Variants in ZCCHC14 observed in about 807,000 individuals in gnomAD.
The protein encoded by ZCCHC14 is zinc finger CCHC-type containing 14.
In ZCCHC14, 16 loss-of-function variants were observed where a neutral mutation model predicts 85.0. The ratio of observed to expected loss-of-function variants is 0.19; its 90% CI spans 0.13 to 0.29. The LOEUF (loss-of-function observed/expected upper bound fraction) is 0.29, where lower values mean the gene tolerates loss of function less well. ZCCHC14 is among the 10% of genes least tolerant of loss of function. The pLI is 1.00. For missense variants in ZCCHC14, 1,303 were observed against 1,443.5 expected (o/e 0.90, Z 1.58); for synonymous variants, 775 against 630.7 (o/e 1.23, Z -3.43).
chr16:87,486,508 G>A (rs1280685047), intron 1 of ZCCHC14, among the ~76,000 whole-genome samples: 1 of 152,108 alleles, frequency 6.6e-6, no homozygotes, highest in Admixed American at 6.5e-5. Flanking sequence ...TGCACTCTGC[G>A]GTGCTCACAC....
chr16:87,488,589 T>A (rs548719410), intron 1 of ZCCHC14, among the ~76,000 whole-genome samples: 100 of 152,212 alleles, frequency 6.6e-4, no homozygotes, highest in African/African-American at 2.2e-3. Context: ...TTAAAAAAAA[T>A]TTTTTGAGAC....
At position 87,410,348 on chromosome 16, in the gene ZCCHC14, G is replaced by GA. The variant is rs758148355; in HGVS notation, c.3206-14dup. The stretch of plus-strand genomic sequence containing the variant: ...AACCTAAAAGTACCTAGAGAGAGGG[G>GA]AAAAAAGAGGTCAAATTTGAATGAC... On this transcript the variant is annotated splice_polypyrimidine_tract_variant and intron_variant, in intron 12 of 12. Coordinates refer to ENST00000671377, the MANE Select transcript of ZCCHC14 (RefSeq NM_015144.3). 11 of 771,462 alleles carry GA rather than the reference G, an allele frequency of 1.4e-5. No individual in the cohort carries two copies. Among genetic ancestry groups the GA allele is most frequent in the African/African-American group, 8.6e-5 (5 of 58,380 alleles). The allele number at this position is 771,462 out of a possible 1,614,324, so 47.8% of individuals were successfully genotyped here. A position where few individuals can be genotyped will look rare whatever the true frequency, so the allele number is the denominator to read the frequency against.
intron 3 of ZCCHC14, among the ~76,000 whole-genome samples, chr16:87,430,761 ATCCACCCACCTTGGCC>A (rs1909614607): frequency 6.6e-6 from 1 of 151,852 alleles, no homozygotes; most frequent in Non-Finnish European, 1.5e-5. Flanking sequence ...ACCCCAAGTG[ATCCACCCACCTTGGCC>A]TCCCAAAGTG....
intron 1 of ZCCHC14, among the ~76,000 whole-genome samples, chr16:87,462,134 A>AC (rs1332194864): frequency 6.6e-6 from 1 of 151,560 alleles, no homozygotes; most frequent in African/African-American, 2.4e-5. Flanking sequence ...AAAAAAAAAA[A>AC]AAGTCCTAGC....
intron 9 of ZCCHC14, 63 bp from the exon 10 acceptor site, chr16:87,414,604 C>A: frequency 6.5e-7 from 1 of 1,544,262 alleles, no homozygotes. Flanking sequence ...TCACATGCGG[C>A]TTCAAGACGG....
At chr16:87,442,629 G>C (rs949196271) in intron 2 of ZCCHC14, among the ~76,000 whole-genome samples, 1 of 152,218 alleles carries the variant, frequency 6.6e-6, no homozygotes, top group South Asian at 2.1e-4. Context: ...CCCAAATTGT[G>C]TGAGAGACAT....
intron 2 of ZCCHC14, among the ~76,000 whole-genome samples, chr16:87,445,944 A>G (rs1415316514): frequency 2.0e-5 from 3 of 152,118 alleles, no homozygotes; most frequent in Non-Finnish European, 2.9e-5. Flanking sequence ...CATCTTCCCA[A>G]TTGATTTAAA....
chr16:87,450,122 A>C (rs1306099254), intron 2 of ZCCHC14, among the ~76,000 whole-genome samples: 1 of 152,176 alleles, frequency 6.6e-6, no homozygotes, highest in Non-Finnish European at 1.5e-5. Flanking sequence ...AAGACAACCA[A>C]ATGTCTTCAC....
chr16:87,479,261 C>G (rs1912159971), intron 1 of ZCCHC14, among the ~76,000 whole-genome samples: 1 of 151,740 alleles, frequency 6.6e-6, no homozygotes, highest in Admixed American at 6.6e-5. Flanking sequence ...ACTAAAAATA[C>G]AAAAATTAGC....
chr16:87,455,381 G>GT lies in ZCCHC14; in HGVS notation c.694+4626dup, dbSNP rs1910908195. ...CCTCGGCACCCCAATGAACAACACA[G>GT]TGACAAGAGGCTTCTGTGTCACATG... is the stretch of plus-strand genomic sequence containing the variant. On this transcript the variant is annotated intron_variant, in intron 2 of 12. Coordinates refer to ENST00000671377, the MANE Select transcript of ZCCHC14 (RefSeq NM_015144.3). Among the ~76,000 whole-genome samples the GT allele has an allele frequency of 2.0e-5, 3 of 151,958 alleles. No individual in the cohort carries two copies. In the South Asian group the frequency reaches 6.2e-4, roughly 32 times the overall value.
At chr16:87,488,872 C>G (rs1912628475) in intron 1 of ZCCHC14, among the ~76,000 whole-genome samples, 1 of 152,208 alleles carries the variant, frequency 6.6e-6, no homozygotes, top group Admixed American at 6.5e-5. Context: ...GCCACCTTGC[C>G]AGGCCAAGAA....
At chr16:87,459,515 T>TTC (rs1911149797) in intron 2 of ZCCHC14, among the ~76,000 whole-genome samples, 1 of 151,308 alleles carries the variant, frequency 6.6e-6, no homozygotes, top group Non-Finnish European at 1.5e-5. Flanking sequence ...TGGCTAATTT[T>TTC]TTTTTTTTTT....
chr16:87,452,633 C>T (rs1296526927), intron 2 of ZCCHC14, among the ~76,000 whole-genome samples: 1 of 152,128 alleles, frequency 6.6e-6, no homozygotes, highest in Non-Finnish European at 1.5e-5. Flanking sequence ...TGCAGCCCAC[C>T]AGCTGCACAG....
chr16:87,456,541 A>AAAG (rs1910977662), intron 2 of ZCCHC14, among the ~76,000 whole-genome samples: 1 of 93,714 alleles, frequency 1.1e-5, no homozygotes, highest in African/African-American at 3.7e-5. Flanking sequence ...TCCAAAAAAA[A>AAAG]AAAAAAAAAA....
chr16:87,469,482 G>C (rs1911681525), intron 1 of ZCCHC14, among the ~76,000 whole-genome samples: 1 of 152,230 alleles, frequency 6.6e-6, no homozygotes, highest in Non-Finnish European at 1.5e-5. Flanking sequence ...CAGCGGTCAG[G>C]AGCCGTCTCG....
intron 1 of ZCCHC14, among the ~76,000 whole-genome samples, chr16:87,482,050 T>G (rs1210389692): frequency 6.6e-6 from 1 of 152,164 alleles, no homozygotes; most frequent in Non-Finnish European, 1.5e-5. Context: ...GGATATTACC[T>G]CATTGTAATG....
At chr16:87,437,855 G>C (rs1910004161) in intron 2 of ZCCHC14, among the ~76,000 whole-genome samples, 1 of 152,182 alleles carries the variant, frequency 6.6e-6, no homozygotes, top group African/African-American at 2.4e-5. Context: ...AACTGAAAAA[G>C]GGAGGGAAGC....
At chr16:87,437,604 C>A (rs1373043553) in intron 2 of ZCCHC14, among the ~76,000 whole-genome samples, 1 of 152,206 alleles carries the variant, frequency 6.6e-6, no homozygotes, top group African/African-American at 2.4e-5. Flanking sequence ...GCAAAGGGAC[C>A]CGAGGCTGGG....
At chr16:87,431,340 G>C (rs1909647084) in intron 3 of ZCCHC14, among the ~76,000 whole-genome samples, 1 of 151,812 alleles carries the variant, frequency 6.6e-6, no homozygotes, top group South Asian at 2.1e-4. Flanking sequence ...GGGCATGGTG[G>C]CGGGCACCTG....
Sources: gnomAD v4.1 joint callset for allele counts (sites outside exome capture counted in the v4.1 genomes callset) on GRCh38, gnomAD v4.1.1 for gene constraint, MANE v1.5 for transcripts, NCBI Gene and HGNC (gene_info 2026-07-23, HGNC 2026-07-21) for gene names.